DOCK4: variants seen among roughly 807,000 people sequenced by gnomAD.
The protein encoded by DOCK4 is dedicator of cytokinesis protein 4.
In DOCK4, 97 loss-of-function variants were observed where a neutral mutation model predicts 268.1. The observed-to-expected ratio is 0.36, with a 90% CI of 0.31 to 0.43. The LOEUF is 0.43. DOCK4 is among the 20% of genes least tolerant of loss of function. The pLI is 1.00. For synonymous variants in DOCK4, 954 were observed against 887.2 expected (o/e 1.08, Z -1.34); for missense variants, 2,145 against 2,455.7 (o/e 0.87, Z 2.67).
intron 1 of DOCK4, among the ~76,000 whole-genome samples, chr7:112,200,319 TTAAC>T (rs1587043909): frequency 6.6e-6 from 1 of 152,134 alleles, no homozygotes; most frequent in East Asian, 1.9e-4. Context: ...GGTCAGGAAA[TTAAC>T]TATATTTCTT....
Position 111,788,456 on chromosome 7 carries a change from C to A in DOCK4, c.3401+206G>T. 2 of 565,982 alleles carry A rather than the reference C, an allele frequency of 3.5e-6. 1 individual carries two copies. Among genetic ancestry groups the A allele is most frequent in the Admixed American group, 5.9e-5 (2 of 33,946 alleles). 35.1% of individuals were successfully genotyped at this position (565,982 alleles called of 1,614,324 possible). On this transcript the variant is annotated intron_variant, in intron 32 of 52. Transcript: ENST00000428084. ...AACCTGTCCTAATCAGAGATTAAAACAGGAAGACATGCCTAATCATCAACA... is the reference window on the plus strand; with the variant it reads ...AACCTGTCCTAATCAGAGATTAAAAAAGGAAGACATGCCTAATCATCAACA...
intron 1 of DOCK4, among the ~76,000 whole-genome samples, chr7:112,073,339 C>T (rs1807773620): frequency 6.6e-6 from 1 of 151,914 alleles, no homozygotes; most frequent in South Asian, 2.1e-4. Flanking sequence ...TACCTGCATC[C>T]CCATGTTTAC....
chr7:111,811,738 C>T (rs1801152011), intron 28 of DOCK4, 136 bp downstream of exon 28: 4 of 626,536 alleles, frequency 6.4e-6, no homozygotes, highest in Non-Finnish European at 1.1e-5. Context: ...TTCATCTGTT[C>T]ACAAATATAA....
intron 13 of DOCK4, among the ~76,000 whole-genome samples, chr7:111,907,878 G>A (rs539204402): frequency 3.9e-5 from 6 of 152,148 alleles, no homozygotes; most frequent in Non-Finnish European, 8.8e-5. Flanking sequence ...GCAGGCGCAC[G>A]CCACCATGCC....
At chr7:112,011,917 T>C (rs1328404473) in intron 1 of DOCK4, among the ~76,000 whole-genome samples, 3 of 150,280 alleles carry the variant, frequency 2.0e-5, no homozygotes, top group African/African-American at 7.4e-5. Flanking sequence ...AAAAGCCTCC[T>C]AGCACTTAGG....
At chr7:112,198,489 C>T (rs185329342) in intron 1 of DOCK4, among the ~76,000 whole-genome samples, 43 of 152,300 alleles carry the variant, frequency 2.8e-4, no homozygotes, top group African/African-American at 9.9e-4. Flanking sequence ...AAACCTGTTG[C>T]TTTCATTTCC....
chr7:112,176,401 A>G (rs1210361788), intron 1 of DOCK4, among the ~76,000 whole-genome samples: 2 of 152,102 alleles, frequency 1.3e-5, no homozygotes, highest in African/African-American at 4.8e-5. Context: ...ACAATGCTCT[A>G]TTTGGTTCTG....
chr7:111,806,372 A>T (rs983940062), intron 30 of DOCK4, among the ~76,000 whole-genome samples: 2 of 152,154 alleles, frequency 1.3e-5, no homozygotes, highest in Non-Finnish European at 2.9e-5. Context: ...AACATTTCTG[A>T]ATTTTTTCCA....
intron 51 of DOCK4, among the ~76,000 whole-genome samples, 167 bp downstream of exon 51, chr7:111,734,887 T>C (rs1476714386): frequency 6.6e-6 from 1 of 152,128 alleles, no homozygotes. Context: ...CCCCGTGTAA[T>C]AGAAGTTCAG....
At chr7:112,151,861 C>A (rs765998728) in intron 1 of DOCK4, among the ~76,000 whole-genome samples, 2 of 149,890 alleles carry the variant, frequency 1.3e-5, no homozygotes, top group African/African-American at 2.5e-5. Context: ...AAACAAAAAA[C>A]CTGTGCCTGG....
At chr7:111,950,587 A>G (rs1198031733) in intron 8 of DOCK4, among the ~76,000 whole-genome samples, 2 of 152,338 alleles carry the variant, frequency 1.3e-5, no homozygotes, top group South Asian at 2.1e-4. Flanking sequence ...AAGACTAACC[A>G]AATACAATCT....
At chr7:111,860,627 T>C (rs996081766) in intron 23 of DOCK4, among the ~76,000 whole-genome samples, 3 of 152,134 alleles carry the variant, frequency 2.0e-5, no homozygotes, top group Non-Finnish European at 4.4e-5. Context: ...CGCCACCATA[T>C]TCACAATTAC....
At chr7:112,171,452 T>TC (rs2116604492) in intron 1 of DOCK4, among the ~76,000 whole-genome samples, 1 of 152,134 alleles carries the variant, frequency 6.6e-6, no homozygotes, top group South Asian at 2.1e-4. Context: ...TTATCTTTTT[T>TC]TTTCTACTTG....
chr7:111,803,810 T>G (rs1341546778), intron 30 of DOCK4, among the ~76,000 whole-genome samples: 1 of 152,176 alleles, frequency 6.6e-6, no homozygotes, highest in Non-Finnish European at 1.5e-5. Flanking sequence ...CGCTGAGGAA[T>G]ACCATATTTA....
chr7:111,915,137 A>G (rs1792477852), intron 13 of DOCK4, among the ~76,000 whole-genome samples: 1 of 152,314 alleles, frequency 6.6e-6, no homozygotes, highest in African/African-American at 2.4e-5. Flanking sequence ...TTAAACATTT[A>G]TTTTCGTGGA....
At chr7:112,050,442 A>G (rs1032761777) in intron 1 of DOCK4, among the ~76,000 whole-genome samples, 1 of 152,182 alleles carries the variant, frequency 6.6e-6, no homozygotes, top group East Asian at 1.9e-4. Context: ...AGTATGCTGT[A>G]GTAATCCACA....
chr7:111,938,337 A>G (rs757595410), intron 11 of DOCK4, among the ~76,000 whole-genome samples: 3 of 152,230 alleles, frequency 2.0e-5, no homozygotes, highest in Non-Finnish European at 4.4e-5. Context: ...AATTTTAAGT[A>G]TATGTCCCAT....
chr7:111,935,650 G>C (rs747129700), intron 11 of DOCK4, 22 bp from the exon 12 acceptor site: 1 of 1,591,654 alleles, frequency 6.3e-7, no homozygotes, highest in African/African-American at 1.5e-5. Context: ...TTAACACTCT[G>C]TTAAGCTTTA....
intron 1 of DOCK4, among the ~76,000 whole-genome samples, chr7:112,078,847 C>T (rs571067504): frequency 2.0e-5 from 3 of 152,148 alleles, no homozygotes; most frequent in African/African-American, 4.8e-5. Context: ...AAAATACGGC[C>T]GGGTGCGGTG....
Sources: gnomAD v4.1 joint callset for allele counts (sites outside exome capture counted in the v4.1 genomes callset) on GRCh38, gnomAD v4.1.1 for gene constraint, MANE v1.5 for transcripts, NCBI Gene and HGNC (gene_info 2026-07-23, HGNC 2026-07-21) for gene names.